The following LRRC7 variants were observed in gnomAD, a reference collection of about 807,000 sequenced individuals.
LRRC7 encodes the protein leucine-rich repeat-containing protein 7.
In LRRC7, 23 loss-of-function variants were observed where a neutral mutation model predicts 175.7. That is an observed-to-expected ratio of 0.13 (90% CI 0.09 to 0.19). The LOEUF (loss-of-function observed/expected upper bound fraction) is 0.19. Ranked by LOEUF, LRRC7 falls within the 10% of genes least tolerant of loss-of-function variation. The pLI, the probability that LRRC7 is intolerant of heterozygous loss-of-function variation, is 1.00. For missense variants in LRRC7, 1,354 were observed against 1,904.7 expected (o/e 0.71, Z 5.38); for synonymous variants, 685 against 680.9 (o/e 1.01, Z -0.09).
At chr1:69,706,766 C>T (rs1488700570) in intron 2 of LRRC7, among the ~76,000 whole-genome samples, 1 of 152,136 alleles carries the variant, frequency 6.6e-6, no homozygotes, top group East Asian at 1.9e-4. Flanking sequence ...TTATGTCAGA[C>T]TTTCCTGTAT....
In LRRC7 at chr1:70,135,626, C is replaced by G. The variant is rs1489825346; in HGVS notation, c.*13739C>G. On this transcript the variant is annotated 3_prime_UTR_variant, in exon 27 of 27. Transcript: ENST00000651989. ...CCTCCCTGACAAATAAGTGAATATC[C>G]ATCATATTCAAGACTTCACTTTTAT... is the stretch of plus-strand genomic sequence containing the variant. 1.3e-5 allele frequency among the ~76,000 whole-genome samples: 2 copies of G among 152,150 alleles called. No homozygotes were observed. Among genetic ancestry groups the G allele is most frequent in the East Asian group, 3.8e-4 (2 of 5,202 alleles).
intron 25 of LRRC7, among the ~76,000 whole-genome samples, chr1:70,106,287 A>G (rs192191179): frequency 3.4e-4 from 52 of 152,276 alleles, no homozygotes; most frequent in Admixed American, 3.4e-3. Context: ...GAAACTCCGT[A>G]CATGTTAACA....
chr1:69,626,687 T>C (rs1389265619), intron 1 of LRRC7, among the ~76,000 whole-genome samples: 1 of 150,700 alleles, frequency 6.6e-6, no homozygotes, highest in Non-Finnish European at 1.5e-5. Flanking sequence ...TTACATTAGG[T>C]ATATCTCCTA....
At chr1:69,735,577 A>T (rs1004282549) in intron 2 of LRRC7, among the ~76,000 whole-genome samples, 1 of 152,044 alleles carries the variant, frequency 6.6e-6, no homozygotes, top group Non-Finnish European at 1.5e-5. Context: ...TGCGTAGTAC[A>T]TTTTCCCCTT....
intron 7 of LRRC7, among the ~76,000 whole-genome samples, chr1:69,880,236 A>G (rs1557844116): frequency 6.6e-6 from 1 of 152,202 alleles, no homozygotes; most frequent in Non-Finnish European, 1.5e-5. Context: ...AAAAGACAAC[A>G]GTCACTGCAA....
chr1:70,038,434 A>G lies in LRRC7; in HGVS notation c.2610A>G (p.Pro870=). Residue 870 remains proline (P), a synonymous_variant, in exon 21 of 27, where the codon CCA becomes CCG. Coordinates refer to ENST00000651989, the MANE Select transcript of LRRC7 (RefSeq NM_001370785.2). ...ELEQSTHRHT[P]ETEVPPSNPW... ...AGCAGTCTACACACAGACACACACCAGAAACAGAAGTGCCTCCTTCCAATC... is the reference window on the plus strand; with the variant it reads ...AGCAGTCTACACACAGACACACACCGGAAACAGAAGTGCCTCCTTCCAATC... 6.2e-7 allele frequency: 1 copy of G among 1,614,142 alleles called. No homozygotes were observed. The highest frequency in any genetic ancestry group is 8.5e-7 in the Non-Finnish European group (1 of 1,180,012).
chr1:69,710,295 A>AAAAAAG (rs1664603018), intron 2 of LRRC7, among the ~76,000 whole-genome samples: 1 of 150,406 alleles, frequency 6.6e-6, no homozygotes, highest in African/African-American at 2.5e-5. Context: ...AAAAAAAAAA[A>AAAAAAG]AAAGAAAGAA....
chr1:69,901,044 G>A (rs1646120872), intron 7 of LRRC7, among the ~76,000 whole-genome samples: 1 of 152,164 alleles, frequency 6.6e-6, no homozygotes, highest in Non-Finnish European at 1.5e-5. Context: ...GAGGAATTTA[G>A]ACTTTTTCTT....
At position 69,611,970 on chromosome 1, in the gene LRRC7, A is replaced by G. The variant is rs139725739; in HGVS notation, c.2+43329A>G. ...GGAAGTGTCACAAGCATTGATTTTG[A>G]GGTACAAATTAATTCTTGCCAGTAG... On this transcript the variant is annotated intron_variant, in intron 1 of 26. Transcript: ENST00000651989. Among the ~76,000 whole-genome samples the G allele has an allele frequency of 2.6e-4, 40 of 152,198 alleles. No homozygotes were observed. The East Asian group carries it at 7.6e-3, about 29-fold the overall frequency.
At chr1:69,880,445 A>C (rs1259883173) in intron 7 of LRRC7, among the ~76,000 whole-genome samples, 1 of 152,244 alleles carries the variant, frequency 6.6e-6, no homozygotes, top group East Asian at 1.9e-4. Context: ...TTTTCCTAGG[A>C]GTTTTGGTGT....
At chr1:69,817,970 A>G (rs1570115969) in intron 4 of LRRC7, among the ~76,000 whole-genome samples, 2 of 152,100 alleles carry the variant, frequency 1.3e-5, no homozygotes, top group Admixed American at 1.3e-4. Flanking sequence ...TGATTTTGTA[A>G]CTTGTGCTCT....
intron 7 of LRRC7, among the ~76,000 whole-genome samples, chr1:69,888,145 C>T (rs1415803096): frequency 6.9e-6 from 1 of 144,132 alleles, no homozygotes; most frequent in African/African-American, 2.6e-5. Flanking sequence ...GTGGGCTCCA[C>T]CCAGTTTGAG....
chr1:70,138,312 G>A lies in LRRC7; in HGVS notation c.*16425G>A, dbSNP rs775614412. 6.6e-6 allele frequency: 1 copy of A among 152,140 alleles called. No homozygotes were observed. The highest frequency in any genetic ancestry group is 1.5e-5 in the Non-Finnish European group (1 of 68,022). The allele number at this position is 152,140 out of a possible 1,614,324, so 9.4% of individuals were successfully genotyped here. ...ATTGAAAAAAAAGCTCTGTATCTTT[G>A]TATATTCAGTTGTCAACATGGAGAA... On this transcript the variant is annotated 3_prime_UTR_variant, in exon 27 of 27. Coordinates refer to ENST00000651989, the MANE Select transcript of LRRC7 (RefSeq NM_001370785.2).
chr1:69,791,824 G>T (rs1452761643), intron 3 of LRRC7, among the ~76,000 whole-genome samples: 2 of 151,952 alleles, frequency 1.3e-5, no homozygotes, highest in Non-Finnish European at 1.5e-5. Context: ...AATATCTTGG[G>T]TTTGAGTCTG....
intron 2 of LRRC7, among the ~76,000 whole-genome samples, chr1:69,723,013 A>AT (rs1479841330): frequency 6.6e-6 from 1 of 151,948 alleles, no homozygotes; most frequent in East Asian, 1.9e-4. Context: ...TTTTACCATC[A>AT]TTTTTAAAGG....
At chr1:69,870,111 G>A (rs1343112776) in intron 7 of LRRC7, among the ~76,000 whole-genome samples, 3 of 152,128 alleles carry the variant, frequency 2.0e-5, no homozygotes, top group Admixed American at 6.6e-5. Flanking sequence ...AGAGAGCAGT[G>A]GGGCAATGAA....
chr1:69,953,487 C>T (rs1473193719), intron 8 of LRRC7, among the ~76,000 whole-genome samples: 2 of 152,014 alleles, frequency 1.3e-5, no homozygotes, highest in East Asian at 3.9e-4. Flanking sequence ...TCATGGCACA[C>T]ATCTTTCCCT....
intron 2 of LRRC7, among the ~76,000 whole-genome samples, chr1:69,742,511 A>ATG (rs1229744490): frequency 6.6e-6 from 1 of 151,682 alleles, no homozygotes; most frequent in Non-Finnish European, 1.5e-5. Context: ...GAAGATATTT[A>ATG]TGTGTGTGTA....
chr1:69,938,490 A>G, intron 8 of LRRC7, among the ~76,000 whole-genome samples: 1 of 152,206 alleles, frequency 6.6e-6, no homozygotes, highest in Middle Eastern at 3.4e-3. Flanking sequence ...GAAATGAATT[A>G]AAGAAAAATT....
Sources: gnomAD v4.1 joint callset for allele counts (sites outside exome capture counted in the v4.1 genomes callset) on GRCh38, gnomAD v4.1.1 for gene constraint, MANE v1.5 for transcripts, NCBI Gene and HGNC (gene_info 2026-07-23, HGNC 2026-07-21) for gene names.